Variants in KLRG1 observed in about 807,000 individuals in gnomAD.
KLRG1 encodes killer cell lectin-like receptor subfamily G member 1.
In KLRG1, 16 loss-of-function variants were observed where a neutral mutation model predicts 21.8. The observed-to-expected ratio is 0.73, with a 90% confidence interval of 0.50 to 1.11. The LOEUF is 1.11. Among genes scored for constraint, KLRG1 ranks in the 50% most tolerant of loss-of-function variants. The probability of loss-of-function intolerance (pLI) is 0.00; values close to 1 mark genes in which losing one functional copy is unlikely to be tolerated. For missense variants in KLRG1, 173 were observed against 218.3 expected (o/e 0.79, Z 1.31); for synonymous variants, 69 against 75.9 (o/e 0.91, Z 0.47).
intron 3 of KLRG1, among the ~76,000 whole-genome samples, chr12:9,001,120 T>C (rs182958701): frequency 6.6e-6 from 1 of 152,326 alleles, no homozygotes; most frequent in African/African-American, 2.4e-5. Context: ...TGGTTACATT[T>C]TCAAGTAATA....
the KLRG1 span, chr12:9,101,612 C>T: frequency 5.3e-4 from 848 of 1,613,984 alleles, 4 homozygotes; most frequent in Middle Eastern, 9.6e-3. Context: ...TGTGATGTGC[C>T]TCTTCGTGTT....
At chr12:9,068,850 G>A in the KLRG1 span, 4 of 1,573,156 alleles carry the variant, frequency 2.5e-6, no homozygotes, top group Non-Finnish European at 3.5e-6. Context: ...CACCTGGAAA[G>A]CAAAAGTCAA....
intron 3 of KLRG1, among the ~76,000 whole-genome samples, chr12:9,004,160 A>G (rs1430733892): frequency 1.8e-4 from 27 of 152,174 alleles, no homozygotes; most frequent in Admixed American, 1.8e-3. Context: ...GCCACAATAA[A>G]CACACGTGTG....
chr12:9,192,818 A>G, the KLRG1 span: 1 of 959,756 alleles, frequency 1.0e-6, no homozygotes, highest in Non-Finnish European at 1.6e-6. Context: ...GAATAGTTAC[A>G]ACGGTGTCTT....
chr12:9,169,326 G>T, the KLRG1 span: 2 of 1,125,956 alleles, frequency 1.8e-6, no homozygotes, highest in South Asian at 3.7e-5. Flanking sequence ...CTGAAAAATG[G>T]AGAGGCAAGG....
chr12:9,028,937 G>C, the KLRG1 span: 1 of 631,144 alleles, frequency 1.6e-6, no homozygotes, highest in African/African-American at 1.8e-5. Context: ...CTGCAACCTT[G>C]GTGTTTGGGT....
At chr12:9,051,468 T>C in the KLRG1 span, among the ~76,000 whole-genome samples, 1 of 152,144 alleles carries the variant, frequency 6.6e-6, no homozygotes, top group Non-Finnish European at 1.5e-5. Flanking sequence ...AGCAACCCTT[T>C]CCAGGAGGCC....
chr12:9,044,413 C>G, the KLRG1 span, among the ~76,000 whole-genome samples: 1 of 152,070 alleles, frequency 6.6e-6, no homozygotes, highest in Non-Finnish European at 1.5e-5. Context: ...ACCTGTAATT[C>G]CAACACTTTG....
chr12:9,141,127 G>A, the KLRG1 span, among the ~76,000 whole-genome samples: 3 of 152,118 alleles, frequency 2.0e-5, no homozygotes, highest in Non-Finnish European at 2.9e-5. Flanking sequence ...TGTTACCTTT[G>A]TGGCATGCAA....
chr12:9,159,877 G>T, the KLRG1 span: 1 of 1,395,912 alleles, frequency 7.2e-7, no homozygotes, highest in Non-Finnish European at 1.0e-6. Context: ...GACTAAGACA[G>T]GTAATCTATG....
chr12:9,084,301 C>G, the KLRG1 span, among the ~76,000 whole-genome samples: 1 of 152,106 alleles, frequency 6.6e-6, no homozygotes, highest in East Asian at 1.9e-4. Context: ...TACTCTATGA[C>G]TGTAATGATG....
chr12:9,015,022 A>G (rs1229026654), downstream of KLRG1, among the ~76,000 whole-genome samples: 1 of 152,136 alleles, frequency 6.6e-6, no homozygotes, highest in East Asian at 1.9e-4. Flanking sequence ...ATACACAAAA[A>G]ATAAAAAGCA....
the KLRG1 span, among the ~76,000 whole-genome samples, chr12:9,215,157 C>T: frequency 2.0e-5 from 3 of 151,824 alleles, no homozygotes; most frequent in Non-Finnish European, 4.4e-5. Flanking sequence ...ATTGTTGCTT[C>T]TTTATGCTTG....
chr12:9,003,149 T>C (rs1243075201), intron 3 of KLRG1, among the ~76,000 whole-genome samples: 2 of 152,036 alleles, frequency 1.3e-5, no homozygotes, highest in Admixed American at 1.3e-4. Flanking sequence ...AGGATTGGGG[T>C]TTGTACGTGG....
At chr12:9,012,681 A>G (rs1207678924), downstream of KLRG1, among the ~76,000 whole-genome samples, 1 of 151,936 alleles carries the variant, frequency 6.6e-6, no homozygotes, top group African/African-American at 2.4e-5. Flanking sequence ...TAGCTTGGCT[A>G]CAGTGGGGTA....
At chr12:9,012,373 G>A (rs1249006160), downstream of KLRG1, among the ~76,000 whole-genome samples, 1 of 152,076 alleles carries the variant, frequency 6.6e-6, no homozygotes, top group African/African-American at 2.4e-5. Context: ...ACCCACTCTG[G>A]ACCAGAAAGG....
the KLRG1 span, among the ~76,000 whole-genome samples, chr12:9,151,938 C>G: frequency 2.6e-5 from 4 of 152,120 alleles, no homozygotes; most frequent in African/African-American, 4.8e-5. Context: ...TAAACCATAT[C>G]CTATCTTTCT....
the KLRG1 span, chr12:9,157,719 C>G: frequency 6.4e-7 from 1 of 1,551,758 alleles, no homozygotes; most frequent in South Asian, 1.1e-5. Context: ...TTCCAGACAG[C>G]AAATCTACAG....
the KLRG1 span, among the ~76,000 whole-genome samples, chr12:9,180,455 T>C: frequency 6.6e-6 from 1 of 152,132 alleles, no homozygotes; most frequent in Non-Finnish European, 1.5e-5. Context: ...AACAGAGATA[T>C]AGATCAATGG....
Sources: gnomAD v4.1 joint callset for allele counts (sites outside exome capture counted in the v4.1 genomes callset) on GRCh38, gnomAD v4.1.1 for gene constraint, MANE v1.5 for transcripts, NCBI Gene and HGNC (gene_info 2026-07-23, HGNC 2026-07-21) for gene names.